HIBADH: variants seen among roughly 807,000 people sequenced by gnomAD.
The protein encoded by HIBADH is 3-hydroxyisobutyrate dehydrogenase, mitochondrial.
Under a neutral mutation model 36.1 loss-of-function variants are expected in HIBADH, and 25 were observed. That is an observed-to-expected ratio of 0.69 (90% CI 0.50 to 0.97). The LOEUF is 0.97. Ranked by LOEUF, HIBADH falls within the 50% of genes least tolerant of loss-of-function variation. HIBADH has a pLI of 0.00. For synonymous variants in HIBADH, 160 were observed against 149.5 expected (o/e 1.07, Z -0.51); for missense variants, 421 against 418.0 (o/e 1.01, Z -0.06).
chr7:27,591,467 T>C lies in HIBADH; in HGVS notation c.484+37904A>G, dbSNP rs576134661. On this transcript the variant is annotated intron_variant, in intron 4 of 7. Coordinates refer to ENST00000265395, the MANE Select transcript of HIBADH (RefSeq NM_152740.4). ...TCGGGAGGCTGAGGTAGAAGAATGG[T>C]GTGAACCCGGGAGGCGGAGGTTGCA... 2.4e-3 allele frequency among the ~76,000 whole-genome samples: 362 copies of C among 151,430 alleles called. 2 individuals carry two copies. Among genetic ancestry groups the C allele is most frequent in the African/African-American group, 8.3e-3 (343 of 41,290 alleles).
intron 2 of HIBADH, 23 bp downstream of exon 2, chr7:27,649,450 C>T (rs1361276723): frequency 1.9e-6 from 3 of 1,548,520 alleles, no homozygotes; most frequent in Non-Finnish European, 2.6e-6. Context: ...AAATCTAAAA[C>T]AAATCTAAAG....
intron 4 of HIBADH, among the ~76,000 whole-genome samples, chr7:27,605,475 T>TTTAA (rs1369502033): frequency 2.2e-5 from 2 of 90,920 alleles, no homozygotes; most frequent in Non-Finnish European, 2.0e-5. Flanking sequence ...TTTTTTTTTT[T>TTTAA]ACAAGACCCA....
chr7:27,656,746 TAATAA>T (rs1164543682), intron 1 of HIBADH, among the ~76,000 whole-genome samples: 3 of 152,222 alleles, frequency 2.0e-5, no homozygotes, highest in African/African-American at 7.2e-5. Flanking sequence ...ACTACTTTTA[TAATAA>T]AATGAAATAA....
intron 2 of HIBADH, among the ~76,000 whole-genome samples, chr7:27,635,037 C>T (rs940187147): frequency 6.6e-6 from 1 of 152,016 alleles, no homozygotes; most frequent in Admixed American, 6.6e-5. Flanking sequence ...GCCACAACTG[C>T]TCTATACCTA....
intron 4 of HIBADH, among the ~76,000 whole-genome samples, chr7:27,596,458 A>C (rs1435957816): frequency 6.6e-6 from 1 of 152,212 alleles, no homozygotes; most frequent in East Asian, 1.9e-4. Flanking sequence ...GTGGAAGTAA[A>C]AACTTTGATG....
intron 4 of HIBADH, among the ~76,000 whole-genome samples, chr7:27,593,255 T>A (rs986129363): frequency 6.6e-6 from 1 of 152,182 alleles, no homozygotes; most frequent in Non-Finnish European, 1.5e-5. Flanking sequence ...CATTTTGGAT[T>A]TTCAAACTAG....
chr7:27,561,921 T>C (rs1784473944), intron 4 of HIBADH, among the ~76,000 whole-genome samples: 1 of 152,176 alleles, frequency 6.6e-6, no homozygotes, highest in Non-Finnish European at 1.5e-5. Context: ...TATTAGATAT[T>C]AGTAAATCCA....
chr7:27,532,232 G>A (rs1426539875), intron 6 of HIBADH, among the ~76,000 whole-genome samples: 1 of 152,200 alleles, frequency 6.6e-6, no homozygotes, highest in African/African-American at 2.4e-5. Flanking sequence ...AGGTATCACT[G>A]AATCAAGTTT....
At chr7:27,601,960 A>G (rs942888717) in intron 4 of HIBADH, among the ~76,000 whole-genome samples, 1 of 152,086 alleles carries the variant, frequency 6.6e-6, no homozygotes, top group African/African-American at 2.4e-5. Flanking sequence ...AACAAGAAAA[A>G]GTATTTTTCT....
intron 3 of HIBADH, among the ~76,000 whole-genome samples, chr7:27,630,956 G>A (rs1785736589): frequency 6.6e-6 from 1 of 151,890 alleles, no homozygotes; most frequent in South Asian, 2.1e-4. Flanking sequence ...TCAACAAATG[G>A]AAAATCATCC....
chr7:27,550,689 C>G (rs1461640479), intron 4 of HIBADH, among the ~76,000 whole-genome samples: 1 of 152,144 alleles, frequency 6.6e-6, no homozygotes, highest in Non-Finnish European at 1.5e-5. Flanking sequence ...GGTGATATCT[C>G]TAATAAAGCA....
intron 4 of HIBADH, among the ~76,000 whole-genome samples, chr7:27,586,722 CT>C (rs59331926): frequency 0.76 from 115,931 of 152,068 alleles, 44,698 homozygotes; most frequent in East Asian, 0.94. Context: ...GGAAATCACT[CT>C]TGTGAGGCGT....
intron 7 of HIBADH, among the ~76,000 whole-genome samples, chr7:27,527,755 C>CATTT (rs1783925149): frequency 1.5e-5 from 2 of 132,100 alleles, no homozygotes; most frequent in African/African-American, 5.9e-5. Context: ...CAATCAGTAA[C>CATTT]TTTTTTTTTT....
At chr7:27,535,404 T>C (rs1313037770) in intron 6 of HIBADH, among the ~76,000 whole-genome samples, 1 of 152,196 alleles carries the variant, frequency 6.6e-6, no homozygotes, top group Non-Finnish European at 1.5e-5. Flanking sequence ...AGTTCTCATC[T>C]TGAACAGCTT....
At chr7:27,644,666 G>T (rs1028951779) in intron 2 of HIBADH, among the ~76,000 whole-genome samples, 1 of 151,526 alleles carries the variant, frequency 6.6e-6, no homozygotes, top group Non-Finnish European at 1.5e-5. Context: ...TCGGGAGGCT[G>T]AGGCAGAAGA....
chr7:27,582,072 A>T (rs1005965498), intron 4 of HIBADH, among the ~76,000 whole-genome samples: 13 of 152,146 alleles, frequency 8.5e-5, no homozygotes, highest in Non-Finnish European at 1.8e-4. Flanking sequence ...TTGACTTAGG[A>T]TTAACAGTCT....
intron 4 of HIBADH, among the ~76,000 whole-genome samples, chr7:27,565,261 C>G (rs1784529274): frequency 1.3e-5 from 2 of 152,154 alleles, no homozygotes; most frequent in South Asian, 4.1e-4. Flanking sequence ...ATGTGGAAAC[C>G]ACAACAAAGG....
rs1483113621 is a variant in HIBADH at position 27,632,460 on chromosome 7, G to A, written c.253-15C>T. On this transcript the variant is annotated splice_polypyrimidine_tract_variant and intron_variant, in intron 2 of 7. Coordinates refer to ENST00000265395, the MANE Select transcript of HIBADH (RefSeq NM_152740.4). Reference sequence around the variant, plus strand: ...GAAGATACTACCTTTAAAAAAAATTGCAAAGGCACATTATTTAAATTAAAA... The same window carrying A: ...GAAGATACTACCTTTAAAAAAAATTACAAAGGCACATTATTTAAATTAAAA... 2 of 1,547,256 alleles carry A rather than the reference G, an allele frequency of 1.3e-6. No individual in the cohort carries two copies. Among genetic ancestry groups the A allele is most frequent in the Non-Finnish European group, 1.8e-6 (2 of 1,120,600 alleles).
intron 4 of HIBADH, among the ~76,000 whole-genome samples, chr7:27,553,656 A>T (rs1784352020): frequency 6.6e-6 from 1 of 152,194 alleles, no homozygotes; most frequent in African/African-American, 2.4e-5. Context: ...TCTAAAAATC[A>T]CTTTAAAAAG....
Sources: gnomAD v4.1 joint callset for allele counts (sites outside exome capture counted in the v4.1 genomes callset) on GRCh38, gnomAD v4.1.1 for gene constraint, MANE v1.5 for transcripts, NCBI Gene and HGNC (gene_info 2026-07-23, HGNC 2026-07-21) for gene names.